ZNF644: variants seen among roughly 807,000 people sequenced by gnomAD.
ZNF644 encodes the protein zinc finger motif enhancer binding protein 2.
Under a neutral mutation model 108.0 loss-of-function variants are expected in ZNF644, and 20 were observed. The ratio of observed to expected loss-of-function variants is 0.19; its 90% confidence interval spans 0.13 to 0.27. ZNF644 has a LOEUF of 0.27. ZNF644 is among the 10% of genes least tolerant of loss of function. The pLI is 1.00. For synonymous variants in ZNF644, 542 were observed against 539.1 expected, an observed-to-expected ratio of 1.01 and a Z score of -0.08; for missense variants, 1,338 against 1,548.9, an observed-to-expected ratio of 0.86 and a Z score of 2.29.
chr1:90,918,224 TAG>T lies in ZNF644; in HGVS notation c.3689-72_3689-71del, dbSNP rs940257960. 5 of 1,304,300 alleles carry T rather than the reference TAG, an allele frequency of 3.8e-6. No individual in the cohort carries two copies. In the African/African-American group the frequency reaches 5.9e-5, roughly 15 times the overall value. The allele number at this position is 1,304,300 out of a possible 1,614,324, so 80.8% of individuals were successfully genotyped here. A position where few individuals can be genotyped will look rare whatever the true frequency, so the allele number is the denominator to read the frequency against. ...AAATATACATACACACATATTTTTCTAGAGAGGTCAGACAGACCATCTAAATC... is the reference window on the plus strand; with the variant it reads ...AAATATACATACACACATATTTTTCTAGAGGTCAGACAGACCATCTAAATC... On this transcript the variant is annotated intron_variant, in intron 4 of 5. Coordinates refer to ENST00000337393, the MANE Select transcript of ZNF644 (RefSeq NM_201269.3).
In ZNF644 at chr1:91,011,398, C is replaced by T. The variant is rs972964239; in HGVS notation, c.-18+10592G>A. 2.0e-5 allele frequency among the ~76,000 whole-genome samples: 3 copies of T among 152,080 alleles called. 1 individual carries two copies. The highest frequency in any genetic ancestry group is 4.4e-5 in the Non-Finnish European group (3 of 67,992). On this transcript the variant is annotated intron_variant, in intron 1 of 5. Coordinates refer to ENST00000337393, the MANE Select transcript of ZNF644 (RefSeq NM_201269.3). ...CAATTTACATATTCATTCTTCAAAACCAGATATACTAGAATGTGAAGATAT... is the reference window on the plus strand; with the variant it reads ...CAATTTACATATTCATTCTTCAAAATCAGATATACTAGAATGTGAAGATAT...
intron 2 of ZNF644, among the ~76,000 whole-genome samples, chr1:90,946,697 T>C (rs1435426259): frequency 2.6e-5 from 4 of 152,080 alleles, no homozygotes; most frequent in East Asian, 1.9e-4. Flanking sequence ...AACTGTATCA[T>C]GAAAACTCAA....
At position 90,938,966 on chromosome 1, in the gene ZNF644, C is replaced by G; in HGVS notation, c.2388G>C (p.Arg796Ser). ...GTCTGTGATCTTTGAAGCTTTCAGG[C>G]CTTTTGGCGTCAGGCTTATGAGGGT... ...ISDPHKPDAK[R>S]PESFKDHRRV... The change falls in exon 3 of 6, where the codon AGG (arginine) becomes AGC (serine). Residue 796 changes from arginine (R) to serine (S), a missense_variant. Physicochemically the swap from Arg to Ser is moderately radical, Grantham distance 110. This residue lies in a region of ZNF644 where 462 missense variants were observed against 472.6 expected (regional missense o/e 0.98). Coordinates refer to ENST00000337393, the MANE Select transcript of ZNF644 (RefSeq NM_201269.3). The surrounding 1 kb of genome is among the most constrained non-coding windows in gnomAD (Gnocchi z 4.2). 6.2e-7 allele frequency: 1 copy of G among 1,613,948 alleles called. No homozygotes were observed. The highest frequency in any genetic ancestry group is 8.5e-7 in the Non-Finnish European group (1 of 1,179,922).
chr1:90,932,559 C>T (rs763842687), intron 4 of ZNF644, among the ~76,000 whole-genome samples: 5 of 151,878 alleles, frequency 3.3e-5, no homozygotes, highest in Non-Finnish European at 5.9e-5. Context: ...CTTATAATAA[C>T]CAAGTGGAAC....
intron 2 of ZNF644, among the ~76,000 whole-genome samples, chr1:90,964,824 T>A (rs1323402237): frequency 6.6e-6 from 1 of 152,162 alleles, no homozygotes; most frequent in Non-Finnish European, 1.5e-5. Context: ...GTTGTGCATA[T>A]TATCTTGTGA....
Position 90,956,225 on chromosome 1 carries a change from C to A in ZNF644, c.45-14916G>T, listed in dbSNP as rs548529988. The stretch of plus-strand genomic sequence containing the variant: ...ACTGAAGATCACTGACCACAGATCA[C>A]CATAACAAAATAAAAAGTTTGAAAC... On this transcript the variant is annotated intron_variant, in intron 2 of 5. Transcript: ENST00000337393. 2.6e-5 allele frequency among the ~76,000 whole-genome samples: 4 copies of A among 152,230 alleles called. No homozygotes were observed. The South Asian group carries it at 8.3e-4, about 32-fold the overall frequency.
intron 4 of ZNF644, among the ~76,000 whole-genome samples, chr1:90,928,528 G>A (rs1409437254): frequency 6.6e-6 from 1 of 151,618 alleles, no homozygotes; most frequent in Admixed American, 6.6e-5. Flanking sequence ...TCACCATGTT[G>A]ACCATGATGG....
intron 2 of ZNF644, among the ~76,000 whole-genome samples, chr1:90,959,882 A>T (rs74099877): frequency 0.013 from 1,921 of 152,314 alleles, 39 homozygotes; most frequent in African/African-American, 0.044. Flanking sequence ...CCACAGTCCA[A>T]AAATATTAAA....
rs746081611 is a variant in ZNF644 at position 90,940,490 on chromosome 1, T to C, written c.864A>G (p.Glu288=). 16 of 1,613,804 alleles carry C rather than the reference T, an allele frequency of 9.9e-6. No individual in the cohort carries two copies. In the East Asian group the frequency reaches 1.3e-4, roughly 13 times the overall value. ...CATCCATTTTTCGCTTTCTTTTTTTTTCTAGACCTATTTTAGAATGAGGTG... is the reference window on the plus strand; with the variant it reads ...CATCCATTTTTCGCTTTCTTTTTTTCTCTAGACCTATTTTAGAATGAGGTG... ...KAPPHSKIGL[E]KKRKRKMDVS... The change falls in exon 3 of 6, where the codon GAA becomes GAG. Residue 288 remains glutamate (E), a synonymous_variant. Coordinates refer to ENST00000337393, the MANE Select transcript of ZNF644 (RefSeq NM_201269.3).
In ZNF644 at chr1:90,916,777, TA is replaced by T. The variant is rs1321659149; in HGVS notation, c.*20del. ...AAATTTACATCCAATTCAAACTGGC[TA>T]TTTAAAAGGTTTCCTGGTTCTATGA... On this transcript the variant is annotated 3_prime_UTR_variant, in exon 6 of 6. Transcript: ENST00000337393. 2 of 1,613,398 alleles carry T rather than the reference TA, an allele frequency of 1.2e-6. No individual in the cohort carries two copies. The highest frequency in any genetic ancestry group is 3.3e-5 in the Admixed American group (2 of 60,024).
At chr1:90,952,488 G>C (rs925179173) in intron 2 of ZNF644, among the ~76,000 whole-genome samples, 2 of 151,984 alleles carry the variant, frequency 1.3e-5, no homozygotes, top group Non-Finnish European at 2.9e-5. Flanking sequence ...TCAAAACACA[G>C]AACATTTATA....
At chr1:90,997,663 A>T (rs1264726260) in intron 1 of ZNF644, among the ~76,000 whole-genome samples, 1 of 152,070 alleles carries the variant, frequency 6.6e-6, no homozygotes, top group East Asian at 1.9e-4. Flanking sequence ...TGCGTTTCCA[A>T]TTGAGGTACC....
rs936920493 is a variant in ZNF644 at position 90,938,070 on chromosome 1, T to G, written c.3103A>C (p.Thr1035Pro). The G allele has an allele frequency of 6.2e-7, 1 of 1,610,984 alleles. No homozygotes were observed. The highest frequency in any genetic ancestry group is 2.2e-5 in the East Asian group (1 of 44,858). ...VRKAIEKSET[T>P]SEHTCQLCGG... is the part of the protein sequence containing the mutation. ...CAGAGCTGACAAGTGTGTTCAGAAG[T>G]GGTTTCAGACTTCTCTATAGCTAGA... Residue 1035 changes from threonine (T) to proline (P), a missense_variant, in exon 4 of 6, where the codon ACT (threonine) becomes CCT (proline). Coordinates refer to ENST00000337393, the MANE Select transcript of ZNF644 (RefSeq NM_201269.3). This position sits in a 1 kb window ranked among gnomAD's most constrained non-coding sequence, Gnocchi z 4.2.
intron 1 of ZNF644, among the ~76,000 whole-genome samples, chr1:91,013,983 T>G (rs974927229): frequency 6.6e-6 from 1 of 152,224 alleles, no homozygotes; most frequent in African/African-American, 2.4e-5. Context: ...TGGCTCAACT[T>G]ATATTTCTAT....
At chr1:90,978,352 T>TAAAAA (rs59090395) in intron 2 of ZNF644, among the ~76,000 whole-genome samples, 1 of 133,834 alleles carries the variant, frequency 7.5e-6, no homozygotes, top group Non-Finnish European at 1.6e-5. Context: ...AACTTTGTCT[T>TAAAAA]AAAAAAAAAA....
chr1:90,958,992 C>A (rs1654043746), intron 2 of ZNF644, among the ~76,000 whole-genome samples: 1 of 151,948 alleles, frequency 6.6e-6, no homozygotes, highest in Non-Finnish European at 1.5e-5. Flanking sequence ...AATAAAAATC[C>A]TTTGTTTATC....
chr1:90,999,507 C>G (rs1355849853), intron 1 of ZNF644, among the ~76,000 whole-genome samples: 1 of 152,082 alleles, frequency 6.6e-6, no homozygotes, highest in Non-Finnish European at 1.5e-5. Flanking sequence ...GATTTGTCAC[C>G]ACCAGGCCTG....
At chr1:90,966,204 T>C (rs980638990) in intron 2 of ZNF644, among the ~76,000 whole-genome samples, 10 of 152,232 alleles carry the variant, frequency 6.6e-5, no homozygotes, top group Non-Finnish European at 1.5e-4. Context: ...TTCTTAGTTC[T>C]TCGTAGACCA....
intron 2 of ZNF644, among the ~76,000 whole-genome samples, chr1:90,971,231 T>TA (rs71087917): frequency 0.88 from 125,983 of 143,042 alleles, 55,150 homozygotes; most frequent in Middle Eastern, 0.96. Flanking sequence ...TTCATCAACA[T>TA]AAAAAAAAAA....
Sources: gnomAD v4.1 joint callset for allele counts (sites outside exome capture counted in the v4.1 genomes callset) on GRCh38, gnomAD v4.1.1 for gene constraint, gnomAD v4.1.1 regional missense constraint, Gnocchi (gnomAD v3.1) non-coding constraint, MANE v1.5 for transcripts, NCBI Gene and HGNC (gene_info 2026-07-23, HGNC 2026-07-21) for gene names.